Variants in SLIT3 observed in about 807,000 individuals in gnomAD.
SLIT3 encodes slit guidance ligand 3.
SLIT3 carries 68 observed loss-of-function variants against 184.0 expected under a neutral mutation model. The observed-to-expected ratio is 0.37, with a 90% CI of 0.30 to 0.45. The LOEUF (loss-of-function observed/expected upper bound fraction) is 0.45, where lower values mean the gene tolerates loss of function less well. Ranked by LOEUF, SLIT3 falls within the 20% of genes least tolerant of loss-of-function variation. The pLI is 1.00. For missense variants in SLIT3, 1,707 were observed against 2,026.0 expected (o/e 0.84, Z 3.02); for synonymous variants, 831 against 828.6 (o/e 1.00, Z -0.05).
intron 4 of SLIT3, among the ~76,000 whole-genome samples, chr5:168,955,529 A>G (rs1762798013): frequency 1.3e-5 from 2 of 152,042 alleles, no homozygotes; most frequent in African/African-American, 4.8e-5. Flanking sequence ...TGGTCTAGGA[A>G]CCTAAGCCAT....
intron 26 of SLIT3, among the ~76,000 whole-genome samples, chr5:168,701,144 A>G (rs1762201302): frequency 6.6e-6 from 1 of 152,232 alleles, no homozygotes; most frequent in Admixed American, 6.5e-5. Context: ...GAAAAGTTTC[A>G]TGTAAGGAAA....
rs185486051 is a variant in SLIT3, at chr5:168,760,975, A to G, written c.1611-39T>C. ...AAGATGAGTGGTAGGTTAGCTGTGGACGAGGCCCCTCCTTCCACCCCCCAT... is the reference window on the plus strand; with the variant it reads ...AAGATGAGTGGTAGGTTAGCTGTGGGCGAGGCCCCTCCTTCCACCCCCCAT... On this transcript the variant is annotated intron_variant, in intron 15 of 35. Coordinates refer to ENST00000519560, the MANE Select transcript of SLIT3 (RefSeq NM_003062.4). The G allele has an allele frequency of 3.5e-3, 5,134 of 1,487,352 alleles. 81 individuals are homozygous for G. Among genetic ancestry groups the G allele is most frequent in the South Asian group, 0.03 (2,692 of 88,460 alleles). The allele number at this position is 1,487,352 out of a possible 1,614,324, so 92.1% of individuals were successfully genotyped here.
chr5:168,735,868 A>G (rs1258922140), intron 20 of SLIT3, among the ~76,000 whole-genome samples: 2 of 152,094 alleles, frequency 1.3e-5, no homozygotes, highest in African/African-American at 4.8e-5. Context: ...AGCTCTCCCT[A>G]TACCTACAAG....
intron 20 of SLIT3, among the ~76,000 whole-genome samples, chr5:168,727,492 G>A (rs1193832483): frequency 6.6e-6 from 1 of 152,192 alleles, no homozygotes; most frequent in Admixed American, 6.5e-5. Context: ...GGCAGAGAAG[G>A]CAGGCTGAGG....
At chr5:169,269,894 G>C (rs1581123493) in intron 1 of SLIT3, among the ~76,000 whole-genome samples, 1 of 152,290 alleles carries the variant, frequency 6.6e-6, no homozygotes, top group East Asian at 1.9e-4. Context: ...TTTGCAAGGA[G>C]GAAACAATTC....
At chr5:168,754,506 G>C (rs1202874220) in intron 16 of SLIT3, among the ~76,000 whole-genome samples, 1 of 152,156 alleles carries the variant, frequency 6.6e-6, no homozygotes, top group Non-Finnish European at 1.5e-5. Flanking sequence ...GAGATGAAGA[G>C]AGGTTGGTTA....
intron 4 of SLIT3, among the ~76,000 whole-genome samples, chr5:169,042,905 C>T (rs529911461): frequency 6.6e-6 from 1 of 152,282 alleles, no homozygotes; most frequent in African/African-American, 2.4e-5. Context: ...TTACTATCGG[C>T]TTCCTTAAAA....
intron 4 of SLIT3, among the ~76,000 whole-genome samples, chr5:169,115,327 T>C (rs538236057): frequency 6.6e-6 from 1 of 152,244 alleles, no homozygotes; most frequent in East Asian, 1.9e-4. Flanking sequence ...CAAGGAAAGC[T>C]CAAGCTGTGA....
At chr5:169,256,857 AG>A (rs1765977430) in intron 1 of SLIT3, among the ~76,000 whole-genome samples, 2 of 152,266 alleles carry the variant, frequency 1.3e-5, no homozygotes, top group East Asian at 3.9e-4. Context: ...AAAGGAGAAA[AG>A]ACTGCATAAT....
chr5:169,294,368 C>T (rs1767440442), intron 1 of SLIT3, among the ~76,000 whole-genome samples: 1 of 152,084 alleles, frequency 6.6e-6, no homozygotes, highest in Non-Finnish European at 1.5e-5. Flanking sequence ...GCAACACACC[C>T]ATGGAAAAGA....
chr5:168,986,146 T>G (rs144382618), intron 4 of SLIT3, among the ~76,000 whole-genome samples: 1 of 152,166 alleles, frequency 6.6e-6, no homozygotes, highest in Non-Finnish European at 1.5e-5. Flanking sequence ...TACCTCATAC[T>G]TTTCAGTTCT....
intron 4 of SLIT3, among the ~76,000 whole-genome samples, chr5:169,109,684 T>C (rs1162462251): frequency 3.9e-5 from 6 of 152,176 alleles, no homozygotes; most frequent in African/African-American, 1.4e-4. Flanking sequence ...GGCACTACCA[T>C]CTCCCTATTT....
At chr5:168,738,937 CAAAA>C (rs34133933) in intron 20 of SLIT3, among the ~76,000 whole-genome samples, 1 of 84,294 alleles carries the variant, frequency 1.2e-5, no homozygotes, top group South Asian at 4.3e-4. Context: ...GACTCCATCT[CAAAA>C]AAAAAAAAAA....
intron 4 of SLIT3, among the ~76,000 whole-genome samples, chr5:168,945,726 C>T (rs917456163): frequency 6.6e-6 from 1 of 152,204 alleles, no homozygotes; most frequent in Admixed American, 6.5e-5. Context: ...GGGCTAAACT[C>T]GGGTGTTTCC....
intron 18 of SLIT3, 86 bp from the exon 19 acceptor site, chr5:168,749,721 G>A (rs1754633685): frequency 6.9e-7 from 1 of 1,448,986 alleles, no homozygotes; most frequent in Non-Finnish European, 9.6e-7. Context: ...AGCTCTCCTA[G>A]CCAGGAAGGA....
intron 1 of SLIT3, among the ~76,000 whole-genome samples, chr5:169,288,117 C>T (rs578090305): frequency 6.6e-6 from 1 of 152,248 alleles, no homozygotes; most frequent in African/African-American, 2.4e-5. Context: ...TCCCTTGCAG[C>T]CGAGGAGGGG....
At chr5:169,191,734 C>T (rs1763557402) in intron 4 of SLIT3, among the ~76,000 whole-genome samples, 1 of 152,034 alleles carries the variant, frequency 6.6e-6, no homozygotes, top group African/African-American at 2.4e-5. Context: ...ATCTCAGAGA[C>T]CTGTTATCAC....
Position 168,685,742 on chromosome 5 carries a change from G to C in SLIT3, c.3500C>G (p.Ser1167Cys), listed in dbSNP as rs778121566. The C allele has an allele frequency of 6.2e-7, 1 of 1,600,346 alleles. No homozygotes were observed. The highest frequency in any genetic ancestry group is 8.5e-7 in the Non-Finnish European group (1 of 1,171,676). Residue 1167 changes from serine (S) to cysteine (C), a missense_variant, in exon 31 of 36, where the codon TCC becomes TGC. Physicochemically the swap from Ser to Cys is moderately radical, Grantham distance 112. This residue lies in a region of SLIT3 where 387 missense variants were observed against 477.9 expected (regional missense o/e 0.81). Transcript: ENST00000519560. ...CTTGGCGGAGGCCAGTTCCACGTAG[G>C]AGTCTTTGCCCACGAAGTTGACAGT... Reference protein sequence around the residue: ...LITVNFVGKDSYVELASAKVR... With the variant: ...LITVNFVGKDCYVELASAKVR...
intron 20 of SLIT3, among the ~76,000 whole-genome samples, chr5:168,734,192 A>T (rs1353741022): frequency 6.6e-6 from 1 of 152,240 alleles, no homozygotes; most frequent in African/African-American, 2.4e-5. Context: ...TAAAAAGTCA[A>T]CTGACTGTAG....
Sources: allele counts gnomAD v4.1 joint callset (sites outside exome capture counted in the v4.1 genomes callset), GRCh38; gene constraint gnomAD v4.1.1; regional missense constraint gnomAD v4.1.1; transcripts MANE v1.5; gene names NCBI Gene and HGNC (gene_info 2026-07-23, HGNC 2026-07-21).